Variants in TTC38 observed in about 807,000 individuals in gnomAD.
The protein encoded by TTC38 is tetratricopeptide repeat domain 38.
Under a neutral mutation model 64.2 loss-of-function variants are expected in TTC38, and 64 were observed. The ratio of observed to expected loss-of-function variants is 1.00; its 90% CI spans 0.81 to 1.23. The LOEUF (loss-of-function observed/expected upper bound fraction) is 1.23. TTC38 is among the 50% of genes most tolerant of loss of function. The pLI is 0.00. For synonymous variants in TTC38, 254 were observed against 249.3 expected (o/e 1.02, Z -0.18); for missense variants, 573 against 615.5 (o/e 0.93, Z 0.73).
In TTC38 at chr22:46,291,919, G is replaced by A. The variant is rs921219934; in HGVS notation, c.1317-872G>A. Among the ~76,000 whole-genome samples the A allele has an allele frequency of 1.3e-5, 2 of 152,154 alleles. No individual in the cohort carries two copies. The highest frequency in any genetic ancestry group is 2.4e-5 in the African/African-American group (1 of 41,426). On this transcript the variant is annotated intron_variant, in intron 13 of 13. Coordinates refer to ENST00000381031, the MANE Select transcript of TTC38 (RefSeq NM_017931.4). This position sits in a 1 kb window ranked among gnomAD's most constrained non-coding sequence, Gnocchi z 4.6. Reference sequence around the variant, plus strand: ...TGCAGTGAGCCGAGATCGCGTCATTGCACTCCAGCCTGAGTGACCGAGGGA... The same window carrying A: ...TGCAGTGAGCCGAGATCGCGTCATTACACTCCAGCCTGAGTGACCGAGGGA...
chr22:46,275,369 G>A lies in TTC38; in HGVS notation c.487G>A (p.Asp163Asn), dbSNP rs762332195. 4 of 1,614,108 alleles carry A rather than the reference G, an allele frequency of 2.5e-6. No individual in the cohort carries two copies. In the South Asian group the frequency reaches 4.4e-5, roughly 18 times the overall value. ...FYLGYQEQMR[D>N]SVARIYPFWT... ...CCTGGGCTATCAGGAACAGATGAGA[G>A]ATTCTGTTGCTCGAATTTACCCCTT... Residue 163 changes from aspartate (D) to asparagine (N), a missense_variant, in exon 5 of 14, where the codon GAT (aspartate) becomes AAT (asparagine). This residue lies in a region of TTC38 where 68 missense variants were observed against 107.3 expected (regional missense o/e 0.63). Transcript: ENST00000381031. The surrounding 1 kb of genome is among the most constrained non-coding windows in gnomAD (Gnocchi z 4.5).
At chr22:46,268,103 C>A (rs770964175) in intron 1 of TTC38, 31 bp downstream of exon 1, 2 of 1,531,740 alleles carry the variant, frequency 1.3e-6, no homozygotes, top group Non-Finnish European at 1.7e-6. Flanking sequence ...ACCAGGTCCC[C>A]CTCGGGCCCC....
rs903060811 is a variant in TTC38, at chr22:46,273,424, G to A, written c.194-474G>A. On this transcript the variant is annotated intron_variant, in intron 3 of 13. Coordinates refer to ENST00000381031, the MANE Select transcript of TTC38 (RefSeq NM_017931.4). The surrounding 1 kb of genome is among the most constrained non-coding windows in gnomAD (Gnocchi z 5.1). ...GCACTCCTGCCAGCAAGGCTGCTGC[G>A]AGGGCCACAAGGCACTCACCCCCAC... is the stretch of plus-strand genomic sequence containing the variant. Among the ~76,000 whole-genome samples the A allele has an allele frequency of 5.9e-5, 9 of 152,232 alleles. No homozygotes were observed. Among genetic ancestry groups the A allele is most frequent in the Admixed American group, 5.2e-4 (8 of 15,290 alleles).
chr22:46,285,394 A>C lies in TTC38; in HGVS notation c.834+115A>C. On this transcript the variant is annotated intron_variant, in intron 9 of 13. Coordinates refer to ENST00000381031, the MANE Select transcript of TTC38 (RefSeq NM_017931.4). ...CCCAGCCAGAAAAACAGCTGGAGCA[A>C]GAACACATTTCTTGTGTAAGGCCTC... is the stretch of plus-strand genomic sequence containing the variant. 3.8e-6 allele frequency: 4 copies of C among 1,043,434 alleles called. 1 individual carries two copies. In the East Asian group the frequency reaches 9.5e-5, roughly 25 times the overall value. 64.6% of individuals were successfully genotyped at this position (1,043,434 alleles called of 1,614,324 possible).
Position 46,277,029 on chromosome 22 carries a change from C to T in TTC38, c.540-1557C>T, listed in dbSNP as rs2077495262. 5.4e-5 allele frequency among the ~76,000 whole-genome samples: 6 copies of T among 111,314 alleles called. No individual in the cohort carries two copies. The Admixed American group carries it at 6.2e-4, about 12-fold the overall frequency. 73.0% of individuals were successfully genotyped at this position (111,314 alleles called of 152,430 possible). On this transcript the variant is annotated intron_variant, in intron 5 of 13. Transcript: ENST00000381031. ...TTGAGGATTAAATGACCCCAGTAAA[C>T]AATACATATATATACATACACACAC...
chr22:46,281,901 C>A lies in TTC38; in HGVS notation c.735+183C>A. 1.3e-6 allele frequency: 1 copy of A among 773,098 alleles called. No individual in the cohort carries two copies. The highest frequency in any genetic ancestry group is 2.2e-6 in the Non-Finnish European group (1 of 459,666). The allele number at this position is 773,098 out of a possible 1,614,324, so 47.9% of individuals were successfully genotyped here. On this transcript the variant is annotated intron_variant, in intron 7 of 13. Transcript: ENST00000381031. The surrounding 1 kb of genome is among the most constrained non-coding windows in gnomAD (Gnocchi z 5.2). ...CAGAATGCAATCAAGATTCCAGTCCCCACCCCAGGCCCATACCTTGCCCTA... is the reference window on the plus strand; with the variant it reads ...CAGAATGCAATCAAGATTCCAGTCCACACCCCAGGCCCATACCTTGCCCTA...
rs1936961091 is a variant in TTC38 at position 46,274,251 on chromosome 22, T to C, written c.365+182T>C. On this transcript the variant is annotated intron_variant, in intron 4 of 13. Transcript: ENST00000381031. The surrounding 1 kb of genome is among the most constrained non-coding windows in gnomAD (Gnocchi z 4.8). ...TGCTTCCCTATTCTTGGTGGAGTGC[T>C]GAGTGAGGAAGCAGTTGGTGAAGAT... is the stretch of plus-strand genomic sequence containing the variant. Among the ~76,000 whole-genome samples, 1 of 152,162 alleles carries C rather than the reference T, an allele frequency of 6.6e-6. No individual in the cohort carries two copies. Among genetic ancestry groups the C allele is most frequent in the South Asian group, 2.1e-4 (1 of 4,830 alleles).
rs1281457307 is a variant in TTC38 at position 46,275,842 on chromosome 22, T to C, written c.539+421T>C. ...ACTAAGAGGGAAAAGCAAGCTTTCC[T>C]TGGGGGGCTTACAATGGCAATTAAA... is the stretch of plus-strand genomic sequence containing the variant. On this transcript the variant is annotated intron_variant, in intron 5 of 13. Coordinates refer to ENST00000381031, the MANE Select transcript of TTC38 (RefSeq NM_017931.4). This position sits in a 1 kb window ranked among gnomAD's most constrained non-coding sequence, Gnocchi z 4.5. 2.6e-5 allele frequency among the ~76,000 whole-genome samples: 4 copies of C among 152,170 alleles called. No homozygotes were observed. Among genetic ancestry groups the C allele is most frequent in the African/African-American group, 9.7e-5 (4 of 41,422 alleles).
At chr22:46,268,171 G>A in intron 1 of TTC38, 99 bp downstream of exon 1, 1 of 1,368,824 alleles carries the variant, frequency 7.3e-7, no homozygotes, top group Non-Finnish European at 9.9e-7. Context: ...CCGGGCGCGG[G>A]GCGTGGGGTG....
Position 46,275,230 on chromosome 22 carries a change from A to G in TTC38, c.366-18A>G. On this transcript the variant is annotated intron_variant, in intron 4 of 13. Coordinates refer to ENST00000381031, the MANE Select transcript of TTC38 (RefSeq NM_017931.4). The surrounding 1 kb of genome is among the most constrained non-coding windows in gnomAD (Gnocchi z 4.5). ...ACTATGTGTTCAGCGTTGGTGAGAA[A>G]TCTTTCTCGGTTTCCAGGAACTTTC... 6.2e-7 allele frequency: 1 copy of G among 1,610,498 alleles called. No individual in the cohort carries two copies. Among genetic ancestry groups the G allele is most frequent in the Non-Finnish European group, 8.5e-7 (1 of 1,178,468 alleles).
At position 46,291,363 on chromosome 22, in the gene TTC38, C is replaced by G. The variant is rs2077613819; in HGVS notation, c.1317-1428C>G. On this transcript the variant is annotated intron_variant, in intron 13 of 13. Transcript: ENST00000381031. This position sits in a 1 kb window ranked among gnomAD's most constrained non-coding sequence, Gnocchi z 4.6. ...GGGCAGTGCGGCAGTGCCGATGTGGCCTTCTGCGGGGCCCAGTGGGGGAGG... is the reference window on the plus strand; with the variant it reads ...GGGCAGTGCGGCAGTGCCGATGTGGGCTTCTGCGGGGCCCAGTGGGGGAGG... Among the ~76,000 whole-genome samples the G allele has an allele frequency of 6.6e-6, 1 of 152,168 alleles. No homozygotes were observed. The highest frequency in any genetic ancestry group is 2.1e-4 in the South Asian group (1 of 4,820).
chr22:46,276,139 CAGAG>C lies in TTC38; in HGVS notation c.539+726_539+729del, dbSNP rs533414860. 1.3e-4 allele frequency among the ~76,000 whole-genome samples: 20 copies of C among 151,878 alleles called. 1 individual carries two copies. The South Asian group carries it at 3.9e-3, about 30-fold the overall frequency. Reference sequence around the variant, plus strand: ...CAGAGAAGCCCAGAGAGCTCTGAGACAGAGAGAGAGATGGAGATTTATTTTAAGG... The same window carrying C: ...CAGAGAAGCCCAGAGAGCTCTGAGACAGAGAGATGGAGATTTATTTTAAGG... On this transcript the variant is annotated intron_variant, in intron 5 of 13. Transcript: ENST00000381031. This position sits in a 1 kb window ranked among gnomAD's most constrained non-coding sequence, Gnocchi z 4.7.
chr22:46,292,926 C>T lies in TTC38; in HGVS notation c.*42C>T, dbSNP rs577801335. On this transcript the variant is annotated 3_prime_UTR_variant, in exon 14 of 14. Coordinates refer to ENST00000381031, the MANE Select transcript of TTC38 (RefSeq NM_017931.4). This position sits in a 1 kb window ranked among gnomAD's most constrained non-coding sequence, Gnocchi z 6.5. ...CCACCCTGCAGAACCTCAGTGGTGGCGTCACTGCGTCCAGTCAGCTGCTCC... is the reference window on the plus strand; with the variant it reads ...CCACCCTGCAGAACCTCAGTGGTGGTGTCACTGCGTCCAGTCAGCTGCTCC... The T allele has an allele frequency of 3.7e-5, 55 of 1,472,848 alleles. No individual in the cohort carries two copies. The highest frequency in any genetic ancestry group is 3.4e-4 in the Admixed American group (20 of 59,500). 91.2% of individuals were successfully genotyped at this position (1,472,848 alleles called of 1,614,324 possible). A position where few individuals can be genotyped will look rare whatever the true frequency, so the allele number is the denominator to read the frequency against.
rs1936932867 is a variant in TTC38 at position 46,273,164 on chromosome 22, G to A, written c.194-734G>A. ...CAGTCATGGGGAGCCAGGAGCCAGG[G>A]GTGGGCTCGGACTCTCTGAGCAGAC... On this transcript the variant is annotated intron_variant, in intron 3 of 13. Coordinates refer to ENST00000381031, the MANE Select transcript of TTC38 (RefSeq NM_017931.4). This position sits in a 1 kb window ranked among gnomAD's most constrained non-coding sequence, Gnocchi z 5.1. 1.3e-5 allele frequency among the ~76,000 whole-genome samples: 2 copies of A among 152,208 alleles called. No homozygotes were observed. The highest frequency in any genetic ancestry group is 1.3e-4 in the Admixed American group (2 of 15,286).
At position 46,289,401 on chromosome 22, in the gene TTC38, G is replaced by C; in HGVS notation, c.1083-1G>C. Reference sequence around the variant, plus strand: ...CTGAGGGCACCGTCTTGGGTTCGCAGATCCCCAGGGGAGAACTGCCAGCAC... The same window carrying C: ...CTGAGGGCACCGTCTTGGGTTCGCACATCCCCAGGGGAGAACTGCCAGCAC... On this transcript the variant is annotated splice_acceptor_variant, in intron 11 of 13. Coordinates refer to ENST00000381031, the MANE Select transcript of TTC38 (RefSeq NM_017931.4). LOFTEE classifies it high-confidence loss of function. 1 of 1,607,770 alleles carries C rather than the reference G, an allele frequency of 6.2e-7. No homozygotes were observed. Among genetic ancestry groups the C allele is most frequent in the Non-Finnish European group, 8.5e-7 (1 of 1,179,242 alleles).
At chr22:46,285,124 A>T (rs2077562323) in intron 8 of TTC38, 117 bp from the exon 9 acceptor site, 1 of 849,898 alleles carries the variant, frequency 1.2e-6, no homozygotes, top group Admixed American at 1.9e-5. Flanking sequence ...CTCTGAGAGG[A>T]GGTGGAGGCC....
intron 13 of TTC38, 91 bp downstream of exon 13, chr22:46,289,990 C>T: frequency 1.1e-5 from 12 of 1,116,468 alleles, no homozygotes; most frequent in Non-Finnish European, 1.6e-5. Flanking sequence ...CACCCTTGGC[C>T]CGAGATGCTC....
intron 7 of TTC38, 93 bp from the exon 8 acceptor site, chr22:46,283,880 A>C: frequency 2.4e-6 from 1 of 411,348 alleles, no homozygotes; most frequent in East Asian, 6.0e-5. Flanking sequence ...AAAAAAAAAG[A>C]TGATGGTTTC....
At position 46,275,111 on chromosome 22, in the gene TTC38, G is replaced by A. The variant is rs150243534; in HGVS notation, c.366-137G>A. The A allele has an allele frequency of 7.7e-4, 624 of 810,772 alleles. 6 individuals carry two copies. In the African/African-American group the frequency reaches 0.01, roughly 13 times the overall value. 50.2% of individuals were successfully genotyped at this position (810,772 alleles called of 1,614,324 possible). The stretch of plus-strand genomic sequence containing the variant: ...GCTGGGATTACAGGCATAAGCCACC[G>A]CACCCAGTCAGAAACTGATTTTTAA... On this transcript the variant is annotated intron_variant, in intron 4 of 13. Transcript: ENST00000381031. This position sits in a 1 kb window ranked among gnomAD's most constrained non-coding sequence, Gnocchi z 4.5.
Sources: gnomAD v4.1 joint callset for allele counts (sites outside exome capture counted in the v4.1 genomes callset) on GRCh38, gnomAD v4.1.1 for gene constraint, gnomAD v4.1.1 regional missense constraint, Gnocchi (gnomAD v3.1) non-coding constraint, MANE v1.5 for transcripts, NCBI Gene and HGNC (gene_info 2026-07-23, HGNC 2026-07-21) for gene names.